The following SYDE2 variants were observed in gnomAD, a reference collection of about 807,000 sequenced individuals.
The protein encoded by SYDE2 is synapse defective Rho GTPase homolog 2.
A neutral mutation model predicts 91.5 loss-of-function variants in SYDE2; 76 were observed. That is an observed-to-expected ratio of 0.83 (90% CI 0.69 to 1.01). SYDE2 has a LOEUF of 1.01. SYDE2 is among the 50% of genes least tolerant of loss of function. The pLI is 0.00. For synonymous variants in SYDE2, 513 were observed against 506.4 expected (o/e 1.01, Z -0.18); for missense variants, 1,364 against 1,367.7 (o/e 1.00, Z 0.04).
intron 2 of SYDE2, among the ~76,000 whole-genome samples, chr1:85,188,324 T>C (rs1233724612): frequency 6.6e-6 from 1 of 152,126 alleles, no homozygotes; most frequent in African/African-American, 2.4e-5. Flanking sequence ...AAAATTTAAT[T>C]ACCTTCAATC....
chr1:85,162,968 A>T (rs1031918356), intron 6 of SYDE2, among the ~76,000 whole-genome samples: 1 of 152,170 alleles, frequency 6.6e-6, no homozygotes, highest in Non-Finnish European at 1.5e-5. Flanking sequence ...AAATTAGCTC[A>T]ATTACCCTGA....
chr1:85,200,244 T>C lies in SYDE2; in HGVS notation c.745+8A>G. 1 of 1,613,826 alleles carries C rather than the reference T, an allele frequency of 6.2e-7. No homozygotes were observed. On this transcript the variant is annotated splice_region_variant and intron_variant, in intron 1 of 6. Coordinates refer to ENST00000341460, the MANE Select transcript of SYDE2 (RefSeq NM_032184.2). Reference sequence around the variant, plus strand: ...CGGTGCTAGCATTTTCATCGCAAAGTATCCTACCTGTCAGCGTAATTCTTT... The same window carrying C: ...CGGTGCTAGCATTTTCATCGCAAAGCATCCTACCTGTCAGCGTAATTCTTT...
intron 4 of SYDE2, among the ~76,000 whole-genome samples, chr1:85,177,827 T>C (rs1052170384): frequency 4.6e-5 from 7 of 152,184 alleles, no homozygotes; most frequent in Non-Finnish European, 1.0e-4. Flanking sequence ...ATACGCTCTA[T>C]ATCACCTAAG....
intron 2 of SYDE2, among the ~76,000 whole-genome samples, 167 bp downstream of exon 2, chr1:85,189,890 G>A (rs912932285): frequency 7.9e-5 from 12 of 152,078 alleles, no homozygotes; most frequent in South Asian, 2.1e-4. Context: ...CAGCGTGTAC[G>A]TTAAAATGTT....
chr1:85,155,477 G>C (rs1278307074), downstream of SYDE2, among the ~76,000 whole-genome samples: 2 of 151,412 alleles, frequency 1.3e-5, no homozygotes, highest in East Asian at 3.9e-4. Context: ...CGTCTCTATT[G>C]AAAGATTTTT....
rs746072189 is a variant in SYDE2 at position 85,190,444 on chromosome 1, T to A, written c.1054A>T (p.Lys352Ter). 5.0e-6 allele frequency: 8 copies of A among 1,613,812 alleles called. No homozygotes were observed. Among genetic ancestry groups the A allele is most frequent in the Non-Finnish European group, 6.8e-6 (8 of 1,179,864 alleles). Residue 352 changes from lysine to a stop codon, truncating the protein, a stop_gained, in exon 2 of 7, where the codon AAA (lysine) becomes TAA (stop). Coordinates refer to ENST00000341460, the MANE Select transcript of SYDE2 (RefSeq NM_032184.2). LOFTEE classifies it high-confidence loss of function. ...VCNATNSSLSKNCALDFNEEN... is the reference protein window; with the variant it reads ...VCNATNSSLS ...TCATTAAAATCTAAAGCACAGTTTT[T>A]CGATAATGAAGAGTTTGTAGCGTTA... is the stretch of plus-strand genomic sequence containing the variant.
intron 1 of SYDE2, among the ~76,000 whole-genome samples, chr1:85,192,861 C>A (rs1658427342): frequency 6.6e-6 from 1 of 152,216 alleles, no homozygotes; most frequent in African/African-American, 2.4e-5. Flanking sequence ...CCATGCTACT[C>A]ACAAACAGTA....
chr1:85,166,687 G>C (rs376707524), intron 5 of SYDE2, among the ~76,000 whole-genome samples: 1 of 152,192 alleles, frequency 6.6e-6, no homozygotes, highest in East Asian at 1.9e-4. Flanking sequence ...TCAAATATAT[G>C]AATCATATTT....
chr1:85,158,939 T>G lies in SYDE2; in HGVS notation c.3396A>C (p.Pro1132=). 1 of 780,744 alleles carries G rather than the reference T, an allele frequency of 1.3e-6. No homozygotes were observed. Among genetic ancestry groups the G allele is most frequent in the South Asian group, 1.3e-5 (1 of 74,582 alleles). 48.4% of individuals were successfully genotyped at this position (780,744 alleles called of 1,614,324 possible). A position where few individuals can be genotyped will look rare whatever the true frequency, so the allele number is the denominator to read the frequency against. Residue 1132 remains proline (P), a synonymous_variant, in exon 7 of 7, where the codon CCA becomes CCC. Transcript: ENST00000341460. ...GAATTGGCTGTTCAATCATTACTTC[T>G]GGCCCATCCATTTTGCTATAATTTT... is the stretch of plus-strand genomic sequence containing the variant. ...IGENYSKMDG[P]EVMIEQPIPM...
In SYDE2 at chr1:85,182,403, A is replaced by C; in HGVS notation, c.2239T>G (p.Phe747Val). The C allele has an allele frequency of 1.2e-6, 2 of 1,613,808 alleles. No individual in the cohort carries two copies. Among genetic ancestry groups the C allele is most frequent in the Non-Finnish European group, 1.7e-6 (2 of 1,179,792 alleles). The change falls in exon 3 of 7, where the codon TTC (phenylalanine) becomes GTC (valine). Residue 747 changes from phenylalanine to valine, a missense_variant. Physicochemically the swap from Phe to Val is conservative, Grantham distance 50 (BLOSUM62 -1). Transcript: ENST00000341460. The part of the protein sequence containing the change: ...ENAQHLKLVV[F>V]SWEPTPRKNR... ...TTTCTTGGAGTGGGTTCCCAACTGA[A>C]TACTACTAGTTTCAAATGTTGTGCA...
Position 85,164,700 on chromosome 1 carries a change from T to C in SYDE2, c.2911A>G (p.Asn971Asp). 1 of 1,519,494 alleles carries C rather than the reference T, an allele frequency of 6.6e-7. No individual in the cohort carries two copies. The highest frequency in any genetic ancestry group is 8.8e-7 in the Non-Finnish European group (1 of 1,134,520). 94.1% of individuals were successfully genotyped at this position (1,519,494 alleles called of 1,614,324 possible). A position where few individuals can be genotyped will look rare whatever the true frequency, so the allele number is the denominator to read the frequency against. ...LKLVASYHEV[N>D]KMTCQNLAVC... ...GCCAAATTCTGGCACGTCATCTTAT[T>C]CACTTCATGATAGGAAGCCACCAAT... Residue 971 changes from asparagine (N) to aspartate (D), a missense_variant, in exon 6 of 7, where the codon AAT (asparagine) becomes GAT (aspartate). By Grantham distance (23) the Asn-to-Asp change is conservative. Transcript: ENST00000341460.
chr1:85,166,338 CA>C (rs532102373), intron 5 of SYDE2, among the ~76,000 whole-genome samples: 1,543 of 125,164 alleles, frequency 0.012, 9 homozygotes, highest in Non-Finnish European at 0.02. Context: ...GACTCCGTCT[CA>C]AAAAAAAAAA....
chr1:85,182,419 ATGT>A lies in SYDE2; in HGVS notation c.2220_2222del (p.Gln740del). ...CCCAACTGAATACTACTAGTTTCAA[ATGT>A]TGTGCATTTTCAATTTCTATGTTGA... On this transcript the variant is annotated inframe_deletion, in exon 3 of 7. Coordinates refer to ENST00000341460, the MANE Select transcript of SYDE2 (RefSeq NM_032184.2). The A allele has an allele frequency of 6.2e-7, 1 of 1,613,646 alleles. No homozygotes were observed. Among genetic ancestry groups the A allele is most frequent in the Non-Finnish European group, 8.5e-7 (1 of 1,179,724 alleles).
At chr1:85,185,324 G>A (rs1570263180) in intron 2 of SYDE2, among the ~76,000 whole-genome samples, 1 of 150,016 alleles carries the variant, frequency 6.7e-6, no homozygotes, top group Admixed American at 6.7e-5. Flanking sequence ...AGCAGATATA[G>A]CATACTTTTA....
At chr1:85,180,072 AAGAC>A (rs1157443759) in intron 3 of SYDE2, among the ~76,000 whole-genome samples, 2 of 152,176 alleles carry the variant, frequency 1.3e-5, no homozygotes, top group Non-Finnish European at 2.9e-5. Context: ...GCCTCTATGA[AAGAC>A]AGACCATAAG....
chr1:85,200,506 G>A lies in SYDE2; in HGVS notation c.491C>T (p.Ser164Phe). 6.2e-7 allele frequency: 1 copy of A among 1,613,628 alleles called. No individual in the cohort carries two copies. Among genetic ancestry groups the A allele is most frequent in the South Asian group, 1.1e-5 (1 of 91,090 alleles). ...SGSPFRDPAG[S>F]SVIRSGKGDR... ...TCCTTTGCCACTGCGTATCACAGAG[G>A]ACCCCGCTGGATCCCTGAAAGGGCT... is the stretch of plus-strand genomic sequence containing the variant. The change falls in exon 1 of 7, where the codon TCC (serine) becomes TTC (phenylalanine). Residue 164 changes from serine (S) to phenylalanine (F), a missense_variant. By Grantham distance (155) the Ser-to-Phe change is radical. Coordinates refer to ENST00000341460, the MANE Select transcript of SYDE2 (RefSeq NM_032184.2).
At position 85,200,807 on chromosome 1, in the gene SYDE2, A is replaced by T; in HGVS notation, c.190T>A (p.Ser64Thr). 1.4e-6 allele frequency: 2 copies of T among 1,461,188 alleles called. No individual in the cohort carries two copies. The highest frequency in any genetic ancestry group is 1.8e-6 in the Non-Finnish European group (2 of 1,114,354). The allele number at this position is 1,461,188 out of a possible 1,614,324, so 90.5% of individuals were successfully genotyped here. A position where few individuals can be genotyped will look rare whatever the true frequency, so the allele number is the denominator to read the frequency against. The change falls in exon 1 of 7, where the codon TCG becomes ACG. Residue 64 changes from serine (S) to threonine (T), a missense_variant. Transcript: ENST00000341460. ...RPRQQVSPPRSPQREPRGGQL... is the reference protein window; with the variant it reads ...RPRQQVSPPRTPQREPRGGQL... ...CCTCCCCGCGGCTCCCTCTGAGGCG[A>T]CCGGGGCGGGGACACCTGCTGCCGA...
chr1:85,194,737 T>A (rs1658512546), intron 1 of SYDE2: 1 of 800,562 alleles, frequency 1.2e-6, no homozygotes, highest in Admixed American at 6.2e-5. Flanking sequence ...ACTACCCAAG[T>A]CAATTCTGTT....
At chr1:85,198,118 TAG>T (rs537554468) in intron 1 of SYDE2, among the ~76,000 whole-genome samples, 13 of 152,202 alleles carry the variant, frequency 8.5e-5, no homozygotes, top group Non-Finnish European at 1.8e-4. Context: ...TAAAGAACTC[TAG>T]AGTCTCTGAT....
Sources: allele counts gnomAD v4.1 joint callset (sites outside exome capture counted in the v4.1 genomes callset), GRCh38; gene constraint gnomAD v4.1.1; transcripts MANE v1.5; gene names NCBI Gene and HGNC (gene_info 2026-07-23, HGNC 2026-07-21).